Variants in FNDC1 observed in about 807,000 individuals in gnomAD.
FNDC1 encodes the protein fibronectin type III domain-containing protein 1.
FNDC1 carries 96 observed loss-of-function variants against 168.0 expected under a neutral mutation model. The ratio of observed to expected loss-of-function variants is 0.57; its 90% CI spans 0.48 to 0.68. The LOEUF (loss-of-function observed/expected upper bound fraction) is 0.68. Ranked by LOEUF, FNDC1 falls within the 30% of genes least tolerant of loss-of-function variation. The pLI is 0.00. For missense variants in FNDC1, 2,587 were observed against 2,482.1 expected (o/e 1.04, Z -0.90); for synonymous variants, 1,099 against 1,025.9 (o/e 1.07, Z -1.36).
chr6:159,261,104 C>A, intron 18 of FNDC1, 86 bp from the exon 19 acceptor site: 3 of 956,902 alleles, frequency 3.1e-6, no homozygotes, highest in East Asian at 2.4e-5. Context: ...TGTCACGGTT[C>A]AGGTGTTCAG....
At chr6:159,269,054 A>ATCTG (rs1195059941) in intron 22 of FNDC1, among the ~76,000 whole-genome samples, 3 of 104,430 alleles carry the variant, frequency 2.9e-5, no homozygotes, top group South Asian at 3.3e-4. Flanking sequence ...GTATCTATCT[A>ATCTG]TCTGTCTATC....
Position 159,239,658 on chromosome 6 carries a change from A to G in FNDC1, c.4322A>G (p.Lys1441Arg), listed in dbSNP as rs1264354175. 2.2e-5 allele frequency: 34 copies of G among 1,552,188 alleles called. No individual in the cohort carries two copies. Among genetic ancestry groups the G allele is most frequent in the Non-Finnish European group, 3.0e-5 (34 of 1,147,282 alleles). Reference protein sequence around the residue: ...GKPLVGLEVIKKTTHPPTTTM... With the variant: ...GKPLVGLEVIRKTTHPPTTTM... ...CCGCTGGTGGGCTTGGAGGTCATCA[A>G]AAAAACCACCCATCCCCCTACCACT... Residue 1441 changes from lysine to arginine, a missense_variant, in exon 14 of 23, where the codon AAA (lysine) becomes AGA (arginine). Lys to Arg is a conservative substitution (Grantham distance 26). Transcript: ENST00000297267.
intron 4 of FNDC1, among the ~76,000 whole-genome samples, chr6:159,209,737 A>G (rs1022109574): frequency 4.6e-5 from 7 of 152,236 alleles, no homozygotes; most frequent in African/African-American, 1.7e-4. Flanking sequence ...TCATGACATT[A>G]ATAATTGGCA....
chr6:159,171,577 C>T (rs956583910), intron 1 of FNDC1, among the ~76,000 whole-genome samples: 1 of 152,140 alleles, frequency 6.6e-6, no homozygotes, highest in Non-Finnish European at 1.5e-5. Context: ...ATAGTGGCTC[C>T]GAGGGACTTT....
rs1329789906 is a variant in FNDC1 at position 159,269,499 on chromosome 6, TATCC to T, written c.5569+1584_5569+1587del. On this transcript the variant is annotated intron_variant, in intron 22 of 22. Transcript: ENST00000297267. ...CTATCTATCTATCTATCTATCTATCTATCCATCCATCCATGCATCCATCCATCCA... is the reference window on the plus strand; with the variant it reads ...CTATCTATCTATCTATCTATCTATCTATCCATCCATGCATCCATCCATCCA... Among the ~76,000 whole-genome samples the T allele has an allele frequency of 4.5e-3, 394 of 87,422 alleles. 4 individuals carry two copies. The highest frequency in any genetic ancestry group is 0.012 in the African/African-American group (278 of 23,090). 57.4% of individuals were successfully genotyped at this position (87,422 alleles called of 152,430 possible).
intron 9 of FNDC1, among the ~76,000 whole-genome samples, chr6:159,228,716 G>A (rs1228566859): frequency 6.6e-6 from 1 of 151,452 alleles, no homozygotes; most frequent in South Asian, 2.1e-4. Context: ...TCACTTCATT[G>A]CCCAGGCTGG....
intron 14 of FNDC1, among the ~76,000 whole-genome samples, chr6:159,246,520 C>T (rs1777128166): frequency 6.6e-6 from 1 of 152,214 alleles, no homozygotes; most frequent in African/African-American, 2.4e-5. Context: ...CTGAGAGCGC[C>T]TGCTGTGGCA....
chr6:159,239,073 C>T (rs433256), intron 13 of FNDC1, among the ~76,000 whole-genome samples: 128,368 of 152,264 alleles, frequency 0.84, 54,597 homozygotes, highest in Non-Finnish European at 0.9. Flanking sequence ...AGTGTCCATA[C>T]GCAAAGTTTT....
In FNDC1 at chr6:159,174,709, T is replaced by G. The variant is rs79321074; in HGVS notation, c.109+5004T>G. Among the ~76,000 whole-genome samples, 462 of 152,328 alleles carry G rather than the reference T, an allele frequency of 3.0e-3. 1 individual carries two copies. The highest frequency in any genetic ancestry group is 0.01 in the African/African-American group (430 of 41,576). ...CGTGTTAGCAAATTCAAATAAGCAC[T>G]GATGAGAAAGGAAATTGCCTAGACC... On this transcript the variant is annotated intron_variant, in intron 1 of 22. Coordinates refer to ENST00000297267, the MANE Select transcript of FNDC1 (RefSeq NM_032532.3).
intron 1 of FNDC1, among the ~76,000 whole-genome samples, chr6:159,187,307 G>A (rs545280768): frequency 2.0e-5 from 3 of 152,292 alleles, no homozygotes; most frequent in Non-Finnish European, 2.9e-5. Context: ...TCCATCTCTC[G>A]TGGCACCTGG....
intron 14 of FNDC1, among the ~76,000 whole-genome samples, chr6:159,242,670 C>G (rs1783450639): frequency 6.6e-6 from 1 of 152,154 alleles, no homozygotes; most frequent in African/African-American, 2.4e-5. Flanking sequence ...AGGAGAAACT[C>G]CGTACTCATT....
Position 159,238,679 on chromosome 6 carries a change from G to GC in FNDC1, c.4180+14_4180+15insC. On this transcript the variant is annotated intron_variant, in intron 13 of 22. Transcript: ENST00000297267. ...GAACCATTGTAGGTAAGGGAGAATG[G>GC]TTTTTAAAGAATAAAAGCCTACTGA... is the stretch of plus-strand genomic sequence containing the variant. 1 of 1,527,796 alleles carries GC rather than the reference G, an allele frequency of 6.5e-7. No individual in the cohort carries two copies. Among genetic ancestry groups the GC allele is most frequent in the Non-Finnish European group, 8.9e-7 (1 of 1,117,826 alleles). The allele number at this position is 1,527,796 out of a possible 1,614,324, so 94.6% of individuals were successfully genotyped here.
At chr6:159,182,589 T>C (rs2114925938) in intron 1 of FNDC1, among the ~76,000 whole-genome samples, 1 of 152,370 alleles carries the variant, frequency 6.6e-6, no homozygotes, top group Non-Finnish European at 1.5e-5. Flanking sequence ...AAATGCCTGA[T>C]ACCCTCACTC....
At chr6:159,196,163 G>A (rs1043537602) in intron 1 of FNDC1, among the ~76,000 whole-genome samples, 13 of 152,220 alleles carry the variant, frequency 8.5e-5, no homozygotes, top group South Asian at 2.1e-4. Flanking sequence ...CTACTTACCT[G>A]TGATTCCTCC....
At chr6:159,237,237 A>C (rs937470513) in intron 12 of FNDC1, among the ~76,000 whole-genome samples, 13 of 152,258 alleles carry the variant, frequency 8.5e-5, no homozygotes, top group African/African-American at 3.1e-4. Context: ...TTTTAATGCC[A>C]AAACAATACC....
At chr6:159,189,590 C>T (rs452441) in intron 1 of FNDC1, among the ~76,000 whole-genome samples, 50,214 of 152,068 alleles carry the variant, frequency 0.33, 11,193 homozygotes, top group East Asian at 0.62. Flanking sequence ...CCTGAAGAAA[C>T]GGCACCGATT....
intron 4 of FNDC1, among the ~76,000 whole-genome samples, chr6:159,213,701 CAAA>C (rs58561910): frequency 1.4e-5 from 2 of 138,162 alleles, no homozygotes; most frequent in African/African-American, 5.2e-5. Flanking sequence ...GGACTAAAAA[CAAA>C]AAAAAAAAAA....
chr6:159,249,284 G>A lies in FNDC1; in HGVS notation c.4834+102G>A, dbSNP rs775348807. The A allele has an allele frequency of 2.0e-5, 23 of 1,148,208 alleles. 1 individual carries two copies. The highest frequency in any genetic ancestry group is 2.7e-5 in the Non-Finnish European group (22 of 825,214). 71.1% of individuals were successfully genotyped at this position (1,148,208 alleles called of 1,614,324 possible). On this transcript the variant is annotated intron_variant, in intron 16 of 22. Coordinates refer to ENST00000297267, the MANE Select transcript of FNDC1 (RefSeq NM_032532.3). ...TGGCCTCGCCAAGGCAGTGCATTTT[G>A]AGAAGTTTTTCCAGAATGAAGTTTC...
At position 159,180,749 on chromosome 6, in the gene FNDC1, T is replaced by C. The variant is rs373842732; in HGVS notation, c.109+11044T>C. Among the ~76,000 whole-genome samples, 393 of 152,294 alleles carry C rather than the reference T, an allele frequency of 2.6e-3. 2 individuals are homozygous for C. The highest frequency in any genetic ancestry group is 0.01 in the Middle Eastern group (3 of 294). On this transcript the variant is annotated intron_variant, in intron 1 of 22. Coordinates refer to ENST00000297267, the MANE Select transcript of FNDC1 (RefSeq NM_032532.3). ...CATGCAGTGTTTGGTTTTCTGTTCC[T>C]GTATTAGTTTGCTGAGGATAATGGC...
Sources: gnomAD v4.1 joint callset for allele counts (sites outside exome capture counted in the v4.1 genomes callset) on GRCh38, gnomAD v4.1.1 for gene constraint, MANE v1.5 for transcripts, NCBI Gene and HGNC (gene_info 2026-07-23, HGNC 2026-07-21) for gene names.